CRACD: variants seen among roughly 807,000 people sequenced by gnomAD.
CRACD encodes the protein capping protein inhibiting regulator of actin dynamics, also known as capping protein-inhibiting regulator of actin dynamics.
Under a neutral mutation model 106.8 loss-of-function variants are expected in CRACD, and 56 were observed. That is an observed-to-expected ratio of 0.52 (90% CI 0.42 to 0.66). The LOEUF is 0.66. Ranked by LOEUF, CRACD falls within the 30% of genes least tolerant of loss-of-function variation. The pLI is 0.00. For synonymous variants in CRACD, 754 were observed against 670.8 expected, an observed-to-expected ratio of 1.12 and a Z score of -1.92; for missense variants, 1,730 against 1,623.2, an observed-to-expected ratio of 1.07 and a Z score of -1.13.
At chr4:56,184,023 A>G (rs1405801894) in intron 2 of CRACD, among the ~76,000 whole-genome samples, 2 of 152,172 alleles carry the variant, frequency 1.3e-5, no homozygotes, top group Non-Finnish European at 2.9e-5. Flanking sequence ...AGAAGGGGAA[A>G]AAAAGCTGCC....
chr4:56,060,118 T>C (rs1732221544), intron 1 of CRACD, among the ~76,000 whole-genome samples: 1 of 152,230 alleles, frequency 6.6e-6, no homozygotes, highest in South Asian at 2.1e-4. Flanking sequence ...ATCCCCTTTC[T>C]AGCAGTATCA....
intron 1 of CRACD, among the ~76,000 whole-genome samples, chr4:56,123,541 G>A (rs1250109434): frequency 3.9e-5 from 6 of 152,168 alleles, no homozygotes; most frequent in South Asian, 2.1e-4. Flanking sequence ...ATACAGTCAC[G>A]TTGAGGGTTA....
intron 2 of CRACD, among the ~76,000 whole-genome samples, chr4:56,187,610 C>A (rs1427664662): frequency 2.0e-5 from 3 of 151,946 alleles, no homozygotes; most frequent in Non-Finnish European, 2.9e-5. Context: ...CAAACAACAA[C>A]AAAAAAGCTA....
intron 2 of CRACD, among the ~76,000 whole-genome samples, chr4:56,250,418 G>A: frequency 6.6e-6 from 1 of 152,118 alleles, no homozygotes; most frequent in Non-Finnish European, 1.5e-5. Flanking sequence ...TCAATAAGCT[G>A]TGTATTATTA....
chr4:56,240,301 G>T (rs895315218), intron 2 of CRACD, among the ~76,000 whole-genome samples: 1 of 152,068 alleles, frequency 6.6e-6, no homozygotes. Context: ...TAGGTAGGGG[G>T]ATTCCTAACA....
intron 1 of CRACD, among the ~76,000 whole-genome samples, chr4:56,106,993 T>A (rs547153977): frequency 6.6e-5 from 10 of 152,276 alleles, no homozygotes; most frequent in African/African-American, 2.4e-4. Flanking sequence ...TTTTAAGAGA[T>A]GGGATCTTGC....
intron 2 of CRACD, chr4:56,216,397 AT>A (rs1403125807): frequency 6.6e-6 from 1 of 152,132 alleles, no homozygotes; most frequent in Non-Finnish European, 1.5e-5. Flanking sequence ...CAGCTCTGTA[AT>A]TTAATTGTAA....
At position 56,190,735 on chromosome 4, in the gene CRACD, C is replaced by T. The variant is rs568011474; in HGVS notation, c.-189+11305C>T. 3.3e-5 allele frequency among the ~76,000 whole-genome samples: 5 copies of T among 152,160 alleles called. No individual in the cohort carries two copies. The East Asian group carries it at 7.8e-4, about 24-fold the overall frequency. On this transcript the variant is annotated intron_variant, in intron 2 of 10. Transcript: ENST00000682029. ...CCAGGCACATGGTGCAAGCTGTCTG[C>T]GGATCTACTATTCTGGGATCTGGAG...
intron 2 of CRACD, among the ~76,000 whole-genome samples, chr4:56,243,929 C>A (rs550652556): frequency 6.6e-6 from 1 of 152,152 alleles, no homozygotes; most frequent in African/African-American, 2.4e-5. Flanking sequence ...AAGCCCCTTA[C>A]TACCCTTCCT....
chr4:56,146,526 G>A (rs1735386969), intron 1 of CRACD, among the ~76,000 whole-genome samples: 1 of 150,640 alleles, frequency 6.6e-6, no homozygotes, highest in African/African-American at 2.4e-5. Flanking sequence ...CCATTAACTC[G>A]TCATTTAGCA....
chr4:56,198,572 G>A (rs73158789), intron 2 of CRACD, among the ~76,000 whole-genome samples: 9,604 of 152,052 alleles, frequency 0.063, 1,059 homozygotes, highest in East Asian at 0.49. Context: ...CAGAGAAGAG[G>A]TCTTATTCTC....
At chr4:56,108,611 A>G (rs906491095) in intron 1 of CRACD, among the ~76,000 whole-genome samples, 1 of 152,046 alleles carries the variant, frequency 6.6e-6, no homozygotes, top group African/African-American at 2.4e-5. Flanking sequence ...AGTGGCCCCA[A>G]ATGGCTGGGC....
chr4:56,314,779 T>G lies in CRACD; in HGVS notation c.1277T>G (p.Phe426Cys). Residue 426 changes from phenylalanine to cysteine, a missense_variant, in exon 8 of 11, where the codon TTT becomes TGT. Around this residue, in one of 5 missense-constraint regions of CRACD, gnomAD observed 1,620 missense variants for 1,481.6 expected, o/e 1.09. Transcript: ENST00000682029. This position sits in a 1 kb window ranked among gnomAD's most constrained non-coding sequence, Gnocchi z 4.4. ...CAGCTCAGTGAGCTTCTGAACGACT[T>G]TGAGGAGAGGCTCGAAGACCAGGAA... ...RGQLSELLND[F>C]EERLEDQERL... 1.3e-6 allele frequency: 2 copies of G among 1,598,062 alleles called. No homozygotes were observed. Among genetic ancestry groups the G allele is most frequent in the Non-Finnish European group, 1.7e-6 (2 of 1,173,688 alleles).
Position 56,314,780 on chromosome 4 carries a change from T to C in CRACD, c.1278T>C (p.Phe426=), listed in dbSNP as rs763116712. 5.0e-6 allele frequency: 8 copies of C among 1,598,416 alleles called. No individual in the cohort carries two copies. In the South Asian group the frequency reaches 9.1e-5, roughly 18 times the overall value. The stretch of plus-strand genomic sequence containing the variant: ...AGCTCAGTGAGCTTCTGAACGACTT[T>C]GAGGAGAGGCTCGAAGACCAGGAAC... The part of the protein sequence containing the change: ...RGQLSELLND[F]EERLEDQERL... The change falls in exon 8 of 11, where the codon TTT becomes TTC. Residue 426 remains phenylalanine (F), a synonymous_variant. Transcript: ENST00000682029. The surrounding 1 kb of genome is among the most constrained non-coding windows in gnomAD (Gnocchi z 4.4).
chr4:56,179,908 T>G (rs1005650828), intron 2 of CRACD, among the ~76,000 whole-genome samples: 1 of 151,944 alleles, frequency 6.6e-6, no homozygotes, highest in African/African-American at 2.4e-5. Flanking sequence ...TCCCAGCTAC[T>G]CAGGAGGCTG....
rs113798339 is a variant in CRACD, at chr4:56,057,905, G to A, written c.-336+8606G>A. Among the ~76,000 whole-genome samples the A allele has an allele frequency of 1.4e-4, 10 of 70,030 alleles. No homozygotes were observed. The South Asian group carries it at 1.9e-3, about 13-fold the overall frequency. The allele number at this position is 70,030 out of a possible 152,430, so 45.9% of individuals were successfully genotyped here. A position where few individuals can be genotyped will look rare whatever the true frequency, so the allele number is the denominator to read the frequency against. ...GCGATCTCGGCTCACTGCAAGCTCC[G>A]CCTCCCGGGTTCACGCCATTCCCCT... On this transcript the variant is annotated intron_variant, in intron 1 of 10. Coordinates refer to ENST00000682029, the MANE Select transcript of CRACD (RefSeq NM_001393381.1).
At chr4:56,142,094 C>T (rs1735223797) in intron 1 of CRACD, among the ~76,000 whole-genome samples, 1 of 152,168 alleles carries the variant, frequency 6.6e-6, no homozygotes, top group Non-Finnish European at 1.5e-5. Context: ...TAAAAAACCA[C>T]ACAGTTTCTT....
chr4:56,117,915 T>C (rs908849499), intron 1 of CRACD, among the ~76,000 whole-genome samples: 1 of 151,922 alleles, frequency 6.6e-6, no homozygotes, highest in Non-Finnish European at 1.5e-5. Context: ...CCTGCCACCA[T>C]GCCCAGCTAA....
At chr4:56,253,429 A>C (rs1307738846) in intron 2 of CRACD, among the ~76,000 whole-genome samples, 1 of 152,180 alleles carries the variant, frequency 6.6e-6, no homozygotes, top group African/African-American at 2.4e-5. Context: ...CATTTTGCAG[A>C]TGTGGGAACT....
Sources: allele counts gnomAD v4.1 joint callset (sites outside exome capture counted in the v4.1 genomes callset), GRCh38; gene constraint gnomAD v4.1.1; regional missense constraint gnomAD v4.1.1; non-coding constraint Gnocchi (gnomAD v3.1); transcripts MANE v1.5; gene names NCBI Gene and HGNC (gene_info 2026-07-23, HGNC 2026-07-21).